DNAH14: variants seen among roughly 807,000 people sequenced by gnomAD.
DNAH14 encodes dynein axonemal heavy chain 14, also known as axonemal beta dynein heavy chain 14.
In DNAH14, 478 loss-of-function variants were observed where a neutral mutation model predicts 520.9. The ratio of observed to expected loss-of-function variants is 0.92; its 90% CI spans 0.85 to 0.99. The LOEUF (loss-of-function observed/expected upper bound fraction) is 0.99. Ranked by LOEUF, DNAH14 falls within the 50% of genes least tolerant of loss-of-function variation. DNAH14 has a pLI of 0.00. For missense variants in DNAH14, 4,831 were observed against 5,234.5 expected (o/e 0.92, Z 2.38); for synonymous variants, 1,581 against 1,757.2 (o/e 0.90, Z 2.51).
At chr1:225,192,999 G>A (rs1297384399) in intron 38 of DNAH14, 88 bp downstream of exon 38, 2 of 993,092 alleles carry the variant, frequency 2.0e-6, no homozygotes, top group Non-Finnish European at 2.9e-6. Context: ...AACATCATTA[G>A]ACATCTATTA....
chr1:225,009,221 G>T (rs533257884), intron 10 of DNAH14, among the ~76,000 whole-genome samples: 18 of 152,128 alleles, frequency 1.2e-4, no homozygotes, highest in African/African-American at 4.3e-4. Flanking sequence ...TTTCTTCTAG[G>T]GTTTTTATGG....
intron 38 of DNAH14, among the ~76,000 whole-genome samples, chr1:225,196,731 T>A (rs933965987): frequency 6.6e-6 from 1 of 152,230 alleles, no homozygotes; most frequent in African/African-American, 2.4e-5. Context: ...TGGTATTGTA[T>A]TGTGGTTTTG....
chr1:224,939,968 AACTCTAGTAGCTTCAATCAACAACAATTT>A (rs2059305749), intron 1 of DNAH14, among the ~76,000 whole-genome samples: 1 of 152,192 alleles, frequency 6.6e-6, no homozygotes, highest in Non-Finnish European at 1.5e-5. Flanking sequence ...AACCACCTTA[AACTCTAGTAGCTTCAATCAACAACAATTT>A]ACTCTCTCTT....
intron 35 of DNAH14, among the ~76,000 whole-genome samples, chr1:225,162,513 A>G (rs1305130481): frequency 6.6e-6 from 1 of 152,180 alleles, no homozygotes; most frequent in Non-Finnish European, 1.5e-5. Context: ...AGCTTTGGCT[A>G]TTCTGGGTTG....
chr1:225,057,505 T>C (rs1272257341), intron 17 of DNAH14, among the ~76,000 whole-genome samples: 2 of 152,184 alleles, frequency 1.3e-5, no homozygotes, highest in African/African-American at 2.4e-5. Flanking sequence ...CTTTTCCTCA[T>C]TGAATACCCT....
intron 75 of DNAH14, among the ~76,000 whole-genome samples, chr1:225,363,686 G>A (rs1428636036): frequency 2.6e-5 from 4 of 152,108 alleles, no homozygotes; most frequent in Non-Finnish European, 5.9e-5. Context: ...TTGGATATTC[G>A]ATTCCCTTAT....
intron 27 of DNAH14, among the ~76,000 whole-genome samples, chr1:225,126,814 G>A (rs573707163): frequency 0.082 from 12,410 of 151,592 alleles, 1,636 homozygotes; most frequent in African/African-American, 0.28. Context: ...TGTCAATTTT[G>A]GATCTTTCCT....
chr1:225,293,846 TG>T (rs1238314212), intron 55 of DNAH14, among the ~76,000 whole-genome samples: 1 of 152,182 alleles, frequency 6.6e-6, no homozygotes, highest in African/African-American at 2.4e-5. Context: ...AAGAGTTTTT[TG>T]GTAGTCTTTA....
chr1:225,221,692 T>G (rs753050703), intron 41 of DNAH14, among the ~76,000 whole-genome samples: 2 of 151,902 alleles, frequency 1.3e-5, no homozygotes, highest in Admixed American at 6.6e-5. Context: ...TGGGAGAAAT[T>G]ATAAGGAAAG....
In DNAH14 at chr1:225,318,631, A is replaced by T. The variant is rs556792790; in HGVS notation, c.9289A>T (p.Ile3097Phe). Residue 3097 changes from isoleucine to phenylalanine, a missense_variant, in exon 61 of 86, where the codon ATT (isoleucine) becomes TTT (phenylalanine). By Grantham distance (21) the Ile-to-Phe change is conservative (BLOSUM62 0). Transcript: ENST00000682510. ...KSVLPAFDKA[I>F]VALNALDKAD... ...TGTGCTGCCAGCCTTTGACAAGGCA[A>T]TTGTGGCTCTGAATGCCCTGGATAA... The T allele has an allele frequency of 1.1e-5, 17 of 1,550,550 alleles. No homozygotes were observed. In the Middle Eastern group the frequency reaches 2.3e-3, roughly 213 times the overall value.
chr1:225,303,142 T>C lies in DNAH14; in HGVS notation c.8632-14T>C. On this transcript the variant is annotated splice_polypyrimidine_tract_variant and intron_variant, in intron 56 of 85. Transcript: ENST00000682510. Reference sequence around the variant, plus strand: ...GATTACATTTTAACAATTTATATTTTCATTAATTTTCAGAGAATATATAAA... The same window carrying C: ...GATTACATTTTAACAATTTATATTTCCATTAATTTTCAGAGAATATATAAA... 4 of 1,432,258 alleles carry C rather than the reference T, an allele frequency of 2.8e-6. No individual in the cohort carries two copies. Among genetic ancestry groups the C allele is most frequent in the Non-Finnish European group, 3.7e-6 (4 of 1,074,878 alleles). The allele number at this position is 1,432,258 out of a possible 1,614,324, so 88.7% of individuals were successfully genotyped here.
At chr1:225,175,605 G>A (rs2083225473) in intron 36 of DNAH14, among the ~76,000 whole-genome samples, 1 of 147,570 alleles carries the variant, frequency 6.8e-6, no homozygotes, top group Non-Finnish European at 1.5e-5. Context: ...TTGATCTTTT[G>A]TATTTTTTAC....
At chr1:225,077,343 T>C (rs1010939625) in intron 17 of DNAH14, among the ~76,000 whole-genome samples, 15 of 152,214 alleles carry the variant, frequency 9.9e-5, no homozygotes, top group African/African-American at 3.6e-4. Context: ...GAAAATAGTC[T>C]ATAATTTTCT....
intron 38 of DNAH14, among the ~76,000 whole-genome samples, chr1:225,201,490 A>G (rs1439769470): frequency 6.6e-6 from 1 of 152,088 alleles, no homozygotes; most frequent in Non-Finnish European, 1.5e-5. Context: ...TCATTTGGGT[A>G]GGCTCTGTCA....
intron 8 of DNAH14, among the ~76,000 whole-genome samples, chr1:224,984,369 C>G (rs939884171): frequency 6.6e-6 from 1 of 150,892 alleles, no homozygotes; most frequent in African/African-American, 2.4e-5. Context: ...ATCCTCATCT[C>G]TCACCTTATA....
At chr1:225,304,887 T>C in intron 57 of DNAH14, 21 bp from the exon 58 acceptor site, 1 of 1,495,362 alleles carries the variant, frequency 6.7e-7, no homozygotes, top group Non-Finnish European at 8.9e-7. Flanking sequence ...CTCTTAATTC[T>C]TAAAAATTAT....
intron 81 of DNAH14, among the ~76,000 whole-genome samples, chr1:225,386,260 C>T (rs1013042087): frequency 5.9e-5 from 9 of 152,080 alleles, no homozygotes; most frequent in African/African-American, 2.2e-4. Context: ...AATGTTAGAC[C>T]TAAAACCATG....
Position 225,206,082 on chromosome 1 carries a change from G to T in DNAH14, c.6089G>T (p.Arg2030Ile), listed in dbSNP as rs1171621602. Residue 2030 changes from arginine to isoleucine, a missense_variant, in exon 40 of 86, where the codon AGA becomes ATA. By Grantham distance (97) the Arg-to-Ile change is moderately conservative. Transcript: ENST00000682510. Reference protein sequence around the residue: ...TRTLCLANSERIALTNKIRVI... With the variant: ...TRTLCLANSEIIALTNKIRVI... ...ACATTGTGCCTAGCAAACAGTGAGA[G>T]AATAGCTTTAACTAATAAAATAAGA... 6.4e-7 allele frequency: 1 copy of T among 1,551,526 alleles called. No individual in the cohort carries two copies. The highest frequency in any genetic ancestry group is 2.4e-5 in the East Asian group (1 of 40,898).
At chr1:225,147,278 G>A (rs1320152098) in intron 31 of DNAH14, 29 bp downstream of exon 31, 5 of 1,504,484 alleles carry the variant, frequency 3.3e-6, no homozygotes, top group South Asian at 1.3e-5. Flanking sequence ...TATACCTTTT[G>A]AATTGAAATC....
Sources: gnomAD v4.1 joint callset for allele counts (sites outside exome capture counted in the v4.1 genomes callset) on GRCh38, gnomAD v4.1.1 for gene constraint, MANE v1.5 for transcripts, NCBI Gene and HGNC (gene_info 2026-07-23, HGNC 2026-07-21) for gene names.